ADCY10: variants seen among roughly 807,000 people sequenced by gnomAD.
The protein encoded by ADCY10 is adenylate cyclase type 10.
In ADCY10, 156 loss-of-function variants were observed where a neutral mutation model predicts 183.3. The observed-to-expected ratio is 0.85, with a 90% CI of 0.75 to 0.97. The LOEUF (loss-of-function observed/expected upper bound fraction) is 0.97. Ranked by LOEUF, ADCY10 falls within the 50% of genes least tolerant of loss-of-function variation. The pLI is 0.00. For missense variants in ADCY10, 1,745 were observed against 1,934.3 expected (o/e 0.90, Z 1.84); for synonymous variants, 645 against 670.0 (o/e 0.96, Z 0.58).
At position 167,878,451 on chromosome 1, in the gene ADCY10, C is replaced by G. The variant is rs761630756; in HGVS notation, c.1401G>C (p.Glu467Asp). Reference protein sequence around the residue: ...GPLYQYWGRTEKVMFGMACLI... With the variant: ...GPLYQYWGRTDKVMFGMACLI... ...AATTAATGCTCCACACTCACACTTT[C>G]TCAGTACGGCCCCAATACTGATACA... The change falls in exon 12 of 33, where the codon GAG becomes GAC. Residue 467 changes from glutamate (E) to aspartate (D), a missense_variant. Transcript: ENST00000367851. 4.8e-5 allele frequency: 77 copies of G among 1,613,678 alleles called. 1 individual carries two copies. In the South Asian group the frequency reaches 7.7e-4, roughly 16 times the overall value.
At chr1:167,905,415 G>T (rs927280925) in intron 1 of ADCY10, among the ~76,000 whole-genome samples, 1 of 152,186 alleles carries the variant, frequency 6.6e-6, no homozygotes, top group Admixed American at 6.5e-5. Context: ...TTACAAAGAG[G>T]CTGGGGTGAA....
rs968985811 is a variant in ADCY10 at position 167,905,110 on chromosome 1, A to G, written c.31T>C (p.Trp11Arg). The G allele has an allele frequency of 6.8e-6, 11 of 1,614,250 alleles. No individual in the cohort carries two copies. The highest frequency in any genetic ancestry group is 6.7e-5 in the East Asian group (3 of 44,882). MNTPKEEFQDWPIVRIAAHLP... is the reference protein window; with the variant it reads MNTPKEEFQDRPIVRIAAHLP... Reference sequence around the variant, plus strand: ...TGAGCTGCTATTCTGACTATGGGCCAGTCCTGGAATTCTTCTTTTGGAGTG... The same window carrying G: ...TGAGCTGCTATTCTGACTATGGGCCGGTCCTGGAATTCTTCTTTTGGAGTG... Residue 11 changes from tryptophan to arginine, a missense_variant, in exon 2 of 33, where the codon TGG becomes CGG. Physicochemically the swap from Trp to Arg is moderately radical, Grantham distance 101. Transcript: ENST00000367851.
intron 25 of ADCY10, among the ~76,000 whole-genome samples, chr1:167,831,432 A>G (rs1663726663): frequency 6.6e-6 from 1 of 152,074 alleles, no homozygotes; most frequent in African/African-American, 2.4e-5. Context: ...AACTTCAGGC[A>G]ATCCGCCCCC....
intron 1 of ADCY10, among the ~76,000 whole-genome samples, chr1:167,910,795 C>T (rs1670100958): frequency 6.6e-6 from 1 of 152,186 alleles, no homozygotes; most frequent in Non-Finnish European, 1.5e-5. Flanking sequence ...CTCTATTCTT[C>T]CCTCTCCTGC....
At chr1:167,874,062 T>C (rs571901609) in intron 13 of ADCY10, among the ~76,000 whole-genome samples, 2 of 152,340 alleles carry the variant, frequency 1.3e-5, no homozygotes, top group East Asian at 1.9e-4. Flanking sequence ...CTGGGCACAG[T>C]GGCTCACGCC....
At chr1:167,810,617 G>C (rs779192605) in intron 32 of ADCY10, 108 bp downstream of exon 32, 73 of 1,014,016 alleles carry the variant, frequency 7.2e-5, no homozygotes, top group Non-Finnish European at 9.3e-5. Context: ...CCCAGTCTAA[G>C]ATATTTTGTT....
At chr1:167,811,251 A>G (rs1170487732) in intron 31 of ADCY10, among the ~76,000 whole-genome samples, 2 of 152,196 alleles carry the variant, frequency 1.3e-5, no homozygotes, top group Non-Finnish European at 2.9e-5. Context: ...CCATTTCTGC[A>G]TGTAAGGAGC....
chr1:167,892,349 C>G (rs1161848804), intron 8 of ADCY10, among the ~76,000 whole-genome samples: 2 of 152,154 alleles, frequency 1.3e-5, no homozygotes, highest in African/African-American at 4.8e-5. Context: ...GAAAAGAGGA[C>G]TACGGTATCT....
chr1:167,814,711 A>C (rs1662419366), intron 31 of ADCY10, among the ~76,000 whole-genome samples: 1 of 152,170 alleles, frequency 6.6e-6, no homozygotes, highest in Admixed American at 6.5e-5. Flanking sequence ...AGATGAAGAG[A>C]GTTATGGAGA....
At chr1:167,904,756 T>C in intron 2 of ADCY10, 1 of 620,026 alleles carries the variant, frequency 1.6e-6, no homozygotes. Context: ...GAGCAAAGAA[T>C]GGGACTTGAG....
At chr1:167,840,957 TTG>T (rs58160577) in intron 21 of ADCY10, among the ~76,000 whole-genome samples, 47,705 of 146,786 alleles carry the variant, frequency 0.32, 9,845 homozygotes, top group African/African-American at 0.6. Flanking sequence ...TTTTTTTTTT[TTG>T]AGACAGGGCC....
In ADCY10 at chr1:167,824,717, A is replaced by G. The variant is rs1319534766; in HGVS notation, c.3889T>C (p.Tyr1297His). 6.8e-6 allele frequency: 11 copies of G among 1,614,228 alleles called. No individual in the cohort carries two copies. Among genetic ancestry groups the G allele is most frequent in the Non-Finnish European group, 9.3e-6 (11 of 1,180,036 alleles). ...TTGAAGACCAGTGTCTCAGCCACGT[A>G]TGCCACGATTTCAATGCCCTCGCCT... ...LKGEGIEIVA[Y>H]VAETLVFNKL... The change falls in exon 27 of 33, where the codon TAC (tyrosine) becomes CAC (histidine). Residue 1297 changes from tyrosine to histidine, a missense_variant. Coordinates refer to ENST00000367851, the MANE Select transcript of ADCY10 (RefSeq NM_018417.6).
intron 21 of ADCY10, among the ~76,000 whole-genome samples, chr1:167,842,632 C>T (rs1427486705): frequency 2.7e-5 from 4 of 150,708 alleles, no homozygotes; most frequent in Non-Finnish European, 4.4e-5. Flanking sequence ...GGAAAATAAA[C>T]ATTTGTTAAG....
intron 17 of ADCY10, among the ~76,000 whole-genome samples, chr1:167,855,104 T>C (rs1665791689): frequency 6.6e-6 from 1 of 152,180 alleles, no homozygotes; most frequent in African/African-American, 2.4e-5. Context: ...GCGGAGCATC[T>C]GAGCTCAGGA....
At chr1:167,836,853 G>A (rs576369288) in intron 22 of ADCY10, among the ~76,000 whole-genome samples, 5 of 152,164 alleles carry the variant, frequency 3.3e-5, no homozygotes, top group African/African-American at 9.6e-5. Context: ...GTGAAATCCC[G>A]TCTCTACTAA....
chr1:167,893,823 C>T (rs1367573836), intron 8 of ADCY10, 30 bp downstream of exon 8: 2 of 1,533,352 alleles, frequency 1.3e-6, no homozygotes, highest in African/African-American at 2.7e-5. Flanking sequence ...CTGACATCCC[C>T]AAAGCCAGTA....
intron 14 of ADCY10, among the ~76,000 whole-genome samples, chr1:167,868,864 A>T (rs1666884601): frequency 6.6e-6 from 1 of 152,236 alleles, no homozygotes; most frequent in African/African-American, 2.4e-5. Flanking sequence ...CAACTGAATC[A>T]TACGGTTGCA....
intron 8 of ADCY10, among the ~76,000 whole-genome samples, chr1:167,892,104 C>T (rs1668639905): frequency 6.6e-6 from 1 of 151,902 alleles, no homozygotes; most frequent in African/African-American, 2.4e-5. Flanking sequence ...TCCCTAGTAG[C>T]TGGGGCTACA....
rs1335600114 is a variant in ADCY10, at chr1:167,833,991, G to T, written c.3396C>A (p.Thr1132=). The T allele has an allele frequency of 6.2e-7, 1 of 1,613,986 alleles. No individual in the cohort carries two copies. The highest frequency in any genetic ancestry group is 1.3e-5 in the African/African-American group (1 of 75,046). The change falls in exon 24 of 33, where the codon ACC becomes ACA. Residue 1132 remains threonine (T), a synonymous_variant. Transcript: ENST00000367851. ...TTACCTCACCTTTGAGGCTGTAAAA[G>T]GTGGCAGACTCAAATGTCTGGCTCC... The part of the protein sequence containing the change: ...KSWSQTFESA[T]FYSLKGEVCF...
Sources: allele counts gnomAD v4.1 joint callset (sites outside exome capture counted in the v4.1 genomes callset), GRCh38; gene constraint gnomAD v4.1.1; transcripts MANE v1.5; gene names NCBI Gene and HGNC (gene_info 2026-07-23, HGNC 2026-07-21).